SPATA6L: variants seen among roughly 807,000 people sequenced by gnomAD.
The protein encoded by SPATA6L is spermatogenesis associated 6-like protein.
Under a neutral mutation model 49.2 loss-of-function variants are expected in SPATA6L, and 68 were observed. The observed-to-expected ratio is 1.38, with a 90% CI of 1.14 to 1.69. The LOEUF (loss-of-function observed/expected upper bound fraction) is 1.69, where lower values mean the gene tolerates loss of function less well. Ranked by LOEUF, SPATA6L falls within the 40% of genes most tolerant of loss-of-function variation. The pLI is 0.00. For missense variants in SPATA6L, 668 were observed against 464.3 expected, an observed-to-expected ratio of 1.44 and a Z score of -4.03; for synonymous variants, 198 against 165.7, an observed-to-expected ratio of 1.19 and a Z score of -1.50.
chr9:4,593,401 C>T (rs1182924946), downstream of SPATA6L, among the ~76,000 whole-genome samples: 1 of 151,962 alleles, frequency 6.6e-6, no homozygotes, highest in Non-Finnish European at 1.5e-5. Context: ...TCATTGTATC[C>T]CTCCCTTATA....
rs1037726686 is a variant in SPATA6L at position 4,599,717 on chromosome 9, T to C, written c.*1094A>G. Among the ~76,000 whole-genome samples, 1 of 152,174 alleles carries C rather than the reference T, an allele frequency of 6.6e-6. No homozygotes were observed. Among genetic ancestry groups the C allele is most frequent in the Admixed American group, 6.5e-5 (1 of 15,284 alleles). The stretch of plus-strand genomic sequence containing the variant: ...GCAAACGAGCTCCCTTGAGCCTATT[T>C]ATAGGGCACTAATCTCATTTATGAG... On this transcript the variant is annotated 3_prime_UTR_variant, in exon 12 of 12. Coordinates refer to ENST00000682582, the MANE Select transcript of SPATA6L (RefSeq NM_001353486.2).
chr9:4,654,805 C>G (rs1011028927), intron 3 of SPATA6L, among the ~76,000 whole-genome samples: 1 of 152,170 alleles, frequency 6.6e-6, no homozygotes, highest in East Asian at 1.9e-4. Context: ...GGGTCTCCGT[C>G]TGTTACAGGC....
At chr9:4,604,025 A>G (rs996526044) in intron 11 of SPATA6L, among the ~76,000 whole-genome samples, 154 bp downstream of exon 11, 1 of 152,218 alleles carries the variant, frequency 6.6e-6, no homozygotes, top group Non-Finnish European at 1.5e-5. Flanking sequence ...GTTATCATAC[A>G]GAGCAAGGGA....
chr9:4,646,566 A>G (rs1160634089), intron 3 of SPATA6L: 2 of 1,333,574 alleles, frequency 1.5e-6, no homozygotes, highest in Non-Finnish European at 2.0e-6. Context: ...ACTTCCAAAA[A>G]TTGCCACAGT....
rs1481717905 is a variant in SPATA6L at position 4,662,282 on chromosome 9, C to G, written c.40-246G>C. 1 of 1,434,716 alleles carries G rather than the reference C, an allele frequency of 7.0e-7. No homozygotes were observed. The highest frequency in any genetic ancestry group is 1.4e-5 in the African/African-American group (1 of 69,552). 88.9% of individuals were successfully genotyped at this position (1,434,716 alleles called of 1,614,324 possible). On this transcript the variant is annotated intron_variant, in intron 1 of 11. Transcript: ENST00000682582. This position sits in a 1 kb window ranked among gnomAD's most constrained non-coding sequence, Gnocchi z 4.9. ...CTCTCGCCGGCTCCTCTCCCCGCCC[C>G]TCCGGGATGGTAGTGCGGAAGCGGA...
Position 4,607,173 on chromosome 9 carries a change from A to T in SPATA6L, c.996-1733T>A, listed in dbSNP as rs560511923. The stretch of plus-strand genomic sequence containing the variant: ...AAGACCAAATCTACGTCTGATTGGT[A>T]TACCTGAAAGTGACGGGGAGAATGG... On this transcript the variant is annotated intron_variant, in intron 9 of 11. Coordinates refer to ENST00000682582, the MANE Select transcript of SPATA6L (RefSeq NM_001353486.2). Among the ~76,000 whole-genome samples, 7 of 152,186 alleles carry T rather than the reference A, an allele frequency of 4.6e-5. No individual in the cohort carries two copies. The East Asian group carries it at 7.7e-4, about 17-fold the overall frequency.
In SPATA6L at chr9:4,662,963, G is replaced by C; in HGVS notation, c.40-927C>G. On this transcript the variant is annotated intron_variant, in intron 1 of 11. Coordinates refer to ENST00000682582, the MANE Select transcript of SPATA6L (RefSeq NM_001353486.2). This position sits in a 1 kb window ranked among gnomAD's most constrained non-coding sequence, Gnocchi z 4.9. ...GCAGGCGCCGCCCGGCCCACAACCAGATGGACATGTTTGTCACTCTCTCGG... is the reference window on the plus strand; with the variant it reads ...GCAGGCGCCGCCCGGCCCACAACCACATGGACATGTTTGTCACTCTCTCGG... 1.2e-6 allele frequency: 2 copies of C among 1,612,734 alleles called. No individual in the cohort carries two copies. The highest frequency in any genetic ancestry group is 1.7e-6 in the Non-Finnish European group (2 of 1,179,922).
Position 4,614,618 on chromosome 9 carries a change from G to C in SPATA6L, c.995+3305C>G, listed in dbSNP as rs16921611. On this transcript the variant is annotated intron_variant, in intron 9 of 11. Transcript: ENST00000682582. ...CTGTTTTTAAAATATTATCTTCAGA[G>C]CCACTTCTCTAGTGTGAAGGTGACC... 5.6e-3 allele frequency among the ~76,000 whole-genome samples: 854 copies of C among 152,270 alleles called. 13 individuals are homozygous for C. The highest frequency in any genetic ancestry group is 0.02 in the African/African-American group (817 of 41,544).
chr9:4,614,375 G>T (rs1827483666), intron 9 of SPATA6L, among the ~76,000 whole-genome samples: 1 of 152,166 alleles, frequency 6.6e-6, no homozygotes, highest in Admixed American at 6.5e-5. Context: ...TCAGTATTAA[G>T]TTAGCAGAAA....
At chr9:4,656,450 AAGGAAGGAAGGAAGG>A (rs1563716196) in intron 2 of SPATA6L, among the ~76,000 whole-genome samples, 88 of 121,848 alleles carry the variant, frequency 7.2e-4, no homozygotes, top group South Asian at 3.7e-3. Context: ...GAAAGGAAGG[AAGGAAGGAAGGAAGG>A]AAGGAAGGAA....
At chr9:4,658,503 T>C (rs1326987230) in intron 2 of SPATA6L, among the ~76,000 whole-genome samples, 3 of 152,132 alleles carry the variant, frequency 2.0e-5, no homozygotes, top group Non-Finnish European at 2.9e-5. Flanking sequence ...TTGACTGAAT[T>C]TTATAAAATG....
intron 7 of SPATA6L, 50 bp from the exon 8 acceptor site, chr9:4,618,948 C>G (rs781372157): frequency 1.3e-6 from 2 of 1,538,956 alleles, no homozygotes; most frequent in Admixed American, 3.5e-5. Context: ...TACCATTTAG[C>G]CTTAAAACTG....
intron 3 of SPATA6L, among the ~76,000 whole-genome samples, chr9:4,649,118 CGTT>C (rs1461142491): frequency 1.3e-5 from 2 of 151,846 alleles, no homozygotes; most frequent in Non-Finnish European, 2.9e-5. Context: ...TATATCCACT[CGTT>C]GATTGATGGG....
Position 4,599,330 on chromosome 9 carries a change from G to C in SPATA6L, c.*1481C>G, listed in dbSNP as rs570407716. 6.6e-6 allele frequency among the ~76,000 whole-genome samples: 1 copy of C among 152,256 alleles called. No homozygotes were observed. The highest frequency in any genetic ancestry group is 1.5e-5 in the Non-Finnish European group (1 of 68,002). ...TATTTGGCTGAAATTCTAAGAAGAG[G>C]ATAAATGAATTTTGTTTTGTTGTTT... is the stretch of plus-strand genomic sequence containing the variant. On this transcript the variant is annotated 3_prime_UTR_variant, in exon 12 of 12. Coordinates refer to ENST00000682582, the MANE Select transcript of SPATA6L (RefSeq NM_001353486.2).
chr9:4,665,587 TTC>T (rs770317434), intron 1 of SPATA6L, among the ~76,000 whole-genome samples: 2 of 152,222 alleles, frequency 1.3e-5, no homozygotes, highest in African/African-American at 2.4e-5. Flanking sequence ...CGGCATGATA[TTC>T]TGTTACTAAC....
chr9:4,617,001 C>A (rs1057148486), intron 9 of SPATA6L, among the ~76,000 whole-genome samples: 21 of 152,192 alleles, frequency 1.4e-4, no homozygotes, highest in East Asian at 3.8e-4. Context: ...TTCCTCAAAT[C>A]CATGATTTAA....
At chr9:4,601,020 G>A (rs1461389842) in intron 11 of SPATA6L, among the ~76,000 whole-genome samples, 2 of 152,186 alleles carry the variant, frequency 1.3e-5, no homozygotes, top group East Asian at 1.9e-4. Context: ...TTTACTTGAC[G>A]TCTTTGTAAA....
intron 10 of SPATA6L, 148 bp from the exon 11 acceptor site, chr9:4,604,417 C>A: frequency 4.0e-6 from 2 of 495,082 alleles, no homozygotes; most frequent in Non-Finnish European, 3.5e-6. Flanking sequence ...TATATAGAAT[C>A]TTTCTTTTTT....
downstream of SPATA6L, among the ~76,000 whole-genome samples, chr9:4,594,599 G>C (rs137982388): frequency 6.6e-6 from 1 of 152,240 alleles, no homozygotes; most frequent in East Asian, 1.9e-4. Context: ...CAAGAGGTTT[G>C]AGGTTGCAAG....
Sources: allele counts gnomAD v4.1 joint callset (sites outside exome capture counted in the v4.1 genomes callset), GRCh38; gene constraint gnomAD v4.1.1; non-coding constraint Gnocchi (gnomAD v3.1); transcripts MANE v1.5; gene names NCBI Gene and HGNC (gene_info 2026-07-23, HGNC 2026-07-21).